LIG1: variants seen among roughly 807,000 people sequenced by gnomAD.
The protein encoded by LIG1 is ligase I, DNA, ATP-dependent.
In LIG1, 70 loss-of-function variants were observed where a neutral mutation model predicts 115.7. The ratio of observed to expected loss-of-function variants is 0.60; its 90% CI spans 0.50 to 0.74. LIG1 has a LOEUF of 0.74. Ranked by LOEUF, LIG1 falls within the 30% of genes least tolerant of loss-of-function variation. The pLI is 0.00. For synonymous variants in LIG1, 487 were observed against 495.3 expected, an observed-to-expected ratio of 0.98 and a Z score of 0.22; for missense variants, 1,115 against 1,225.6, an observed-to-expected ratio of 0.91 and a Z score of 1.35.
chr19:48,143,919 T>A lies in LIG1; in HGVS notation c.821A>T (p.His274Leu). The change falls in exon 10 of 28, where the codon CAT becomes CTT. Residue 274 changes from histidine (H) to leucine (L), a missense_variant. His to Leu is a moderately conservative substitution (Grantham distance 99). Coordinates refer to ENST00000263274, the MANE Select transcript of LIG1 (RefSeq NM_000234.3). ...SGYNPAKNNY[H>L]PVEDACWKPG... ...TTTCCAGCAGGCATCTTCCACGGGA[T>A]GATAGTTGTTCTTGGCAGGATTGTA... 6.2e-7 allele frequency: 1 copy of A among 1,613,920 alleles called. No individual in the cohort carries two copies. The highest frequency in any genetic ancestry group is 8.5e-7 in the Non-Finnish European group (1 of 1,179,942).
At chr19:48,163,751 G>A (rs1434938267) in intron 2 of LIG1, among the ~76,000 whole-genome samples, 1 of 152,024 alleles carries the variant, frequency 6.6e-6, no homozygotes, top group Non-Finnish European at 1.5e-5. Flanking sequence ...AGACCATCCT[G>A]GCTAACACGG....
intron 24 of LIG1, 127 bp downstream of exon 24, chr19:48,121,043 T>C: frequency 6.5e-7 from 1 of 1,542,298 alleles, no homozygotes; most frequent in Non-Finnish European, 8.7e-7. Flanking sequence ...AAATAAAAAC[T>C]GGGGAGAACG....
At chr19:48,136,887 C>T in intron 14 of LIG1, 121 bp downstream of exon 14, 1 of 825,766 alleles carries the variant, frequency 1.2e-6, no homozygotes, top group Non-Finnish European at 2.0e-6. Flanking sequence ...GCCTCCTGCT[C>T]ATGCTTTTCT....
In LIG1 at chr19:48,149,843, T is replaced by G; in HGVS notation, c.698-2A>C. 6.2e-7 allele frequency: 1 copy of G among 1,613,724 alleles called. No homozygotes were observed. Among genetic ancestry groups the G allele is most frequent in the Non-Finnish European group, 8.5e-7 (1 of 1,179,886 alleles). ...TTTTGACTGCTGGCTTCCGGGGGGC[T>G]AGGAATGAAGACAGAAAACAGTGGG... On this transcript the variant is annotated splice_acceptor_variant, in intron 8 of 27. Transcript: ENST00000263274. LOFTEE classifies it high-confidence loss of function.
At chr19:48,154,185 G>C in intron 5 of LIG1, 1 of 573,034 alleles carries the variant, frequency 1.7e-6, no homozygotes. Flanking sequence ...TCTGTGCTTT[G>C]CTCTCTCACG....
Position 48,126,260 on chromosome 19 carries a change from C to G in LIG1, c.2004+1017G>C, listed in dbSNP as rs183060640. 2.0e-5 allele frequency among the ~76,000 whole-genome samples: 3 copies of G among 152,188 alleles called. No homozygotes were observed. The East Asian group carries it at 5.8e-4, about 30-fold the overall frequency. Reference sequence around the variant, plus strand: ...GGCCTGGCTCCAGATTCCTGACATCCTAAAGCAAGCTGTTCTCAAACTGTT... The same window carrying G: ...GGCCTGGCTCCAGATTCCTGACATCGTAAAGCAAGCTGTTCTCAAACTGTT... On this transcript the variant is annotated intron_variant, in intron 21 of 27. Transcript: ENST00000263274.
chr19:48,119,269 C>CA, intron 24 of LIG1, 79 bp from the exon 25 acceptor site: 2 of 1,148,502 alleles, frequency 1.7e-6, no homozygotes, highest in Non-Finnish European at 2.6e-6. Context: ...AAGCTGTGTA[C>CA]ACTCATGGCC....
rs1335943209 is a variant in LIG1 at position 48,143,530 on chromosome 19, C to T, written c.914+13G>A. On this transcript the variant is annotated intron_variant, in intron 11 of 27. Coordinates refer to ENST00000263274, the MANE Select transcript of LIG1 (RefSeq NM_000234.3). Reference sequence around the variant, plus strand: ...CGACCCCGCCCCCCACCCAGGCAGTCCTCATTAGTTACCGAGCAGACACCT... The same window carrying T: ...CGACCCCGCCCCCCACCCAGGCAGTTCTCATTAGTTACCGAGCAGACACCT... 5.2e-6 allele frequency: 4 copies of T among 768,198 alleles called. No individual in the cohort carries two copies. The highest frequency in any genetic ancestry group is 4.0e-5 in the Admixed American group (2 of 49,452). 47.6% of individuals were successfully genotyped at this position (768,198 alleles called of 1,614,324 possible). A position where few individuals can be genotyped will look rare whatever the true frequency, so the allele number is the denominator to read the frequency against.
chr19:48,117,716 C>A lies in LIG1; in HGVS notation c.2505G>T (p.Trp835Cys). 1 of 1,612,990 alleles carries A rather than the reference C, an allele frequency of 6.2e-7. No individual in the cohort carries two copies. The highest frequency in any genetic ancestry group is 1.1e-5 in the South Asian group (1 of 90,646). The change falls in exon 26 of 28, where the codon TGG becomes TGT. Residue 835 changes from tryptophan (W) to cysteine (C), a missense_variant. Trp to Cys is a radical substitution (Grantham distance 215, BLOSUM62 -2). Coordinates refer to ENST00000263274, the MANE Select transcript of LIG1 (RefSeq NM_000234.3). ...RIDGAVIPDH[W>C]LDPSAVWEVK... Reference sequence around the variant, plus strand: ...CCTCCCACACAGCGCTGGGGTCCAGCCAGTGGTCGGGAATCACAGCGCCAT... The same window carrying A: ...CCTCCCACACAGCGCTGGGGTCCAGACAGTGGTCGGGAATCACAGCGCCAT...
intron 2 of LIG1, among the ~76,000 whole-genome samples, chr19:48,164,859 T>TG (rs1176700414): frequency 6.6e-6 from 1 of 152,210 alleles, no homozygotes. Context: ...TCTGTGTTGT[T>TG]GGGGGGGCTG....
intron 9 of LIG1, among the ~76,000 whole-genome samples, chr19:48,145,590 T>G (rs544877424): frequency 3.3e-5 from 5 of 152,234 alleles, no homozygotes; most frequent in African/African-American, 1.2e-4. Flanking sequence ...ATAGTGCCAC[T>G]GCAGGGCTGT....
chr19:48,127,054 G>A (rs377303295), intron 21 of LIG1: 7 of 564,686 alleles, frequency 1.2e-5, no homozygotes, highest in South Asian at 1.0e-4. Flanking sequence ...TCCACCTCAC[G>A]CCAATGTGGA....
rs149957363 is a variant in LIG1, at chr19:48,158,581, G to A, written c.244-1441C>T. ...CAGTCTCCTTCATGCTGCCAGGACCGGGACTCCACAAATCTTCTTCTTGCT... is the reference window on the plus strand; with the variant it reads ...CAGTCTCCTTCATGCTGCCAGGACCAGGACTCCACAAATCTTCTTCTTGCT... On this transcript the variant is annotated intron_variant, in intron 4 of 27. Transcript: ENST00000263274. Among the ~76,000 whole-genome samples the A allele has an allele frequency of 2.1e-3, 318 of 152,324 alleles. 6 individuals carry two copies. Among genetic ancestry groups the A allele is most frequent in the Admixed American group, 0.018 (282 of 15,310 alleles).
At chr19:48,159,822 A>C (rs2036069044) in intron 4 of LIG1, among the ~76,000 whole-genome samples, 1 of 152,166 alleles carries the variant, frequency 6.6e-6, no homozygotes, top group East Asian at 1.9e-4. Flanking sequence ...GGTTCACGCC[A>C]TTCTCCTGCC....
rs577725253 is a variant in LIG1, at chr19:48,157,005, T to C, written c.370+9A>G. The C allele has an allele frequency of 2.1e-5, 31 of 1,467,506 alleles. No homozygotes were observed. The African/African-American group carries it at 2.9e-4, about 14-fold the overall frequency. The allele number at this position is 1,467,506 out of a possible 1,614,324, so 90.9% of individuals were successfully genotyped here. On this transcript the variant is annotated intron_variant, in intron 5 of 27. Transcript: ENST00000263274. ...GCGACTGAAGGGGCAGGGGCCCGTG[T>C]GTTCTCACCTGTGCGACGCTTCGGA... is the stretch of plus-strand genomic sequence containing the variant.
rs548077697 is a variant in LIG1 at position 48,121,196 on chromosome 19, T to A, written c.2359A>T (p.Ser787Cys). The change falls in exon 24 of 28, where the codon AGT (serine) becomes TGT (cysteine). Residue 787 changes from serine (S) to cysteine (C), a missense_variant. Ser to Cys is a moderately radical substitution (Grantham distance 112, BLOSUM62 -1). Transcript: ENST00000263274. ...TTGCATATGGCCTGCAGCTCCTCAC[T>A]GTCCTCGTCGTAGGAGGCCAGCAGG... ...GFLLASYDED[S>C]EELQAICKLG... is the part of the protein sequence containing the mutation. The A allele has an allele frequency of 2.8e-5, 46 of 1,614,110 alleles. No homozygotes were observed. In the Admixed American group the frequency reaches 5.8e-4, roughly 20 times the overall value.
rs756578359 is a variant in LIG1, at chr19:48,137,114, C to T, written c.1255-30G>A. 2 of 1,574,792 alleles carry T rather than the reference C, an allele frequency of 1.3e-6. No individual in the cohort carries two copies. The highest frequency in any genetic ancestry group is 1.7e-6 in the Non-Finnish European group (2 of 1,147,990). On this transcript the variant is annotated intron_variant, in intron 13 of 27. Coordinates refer to ENST00000263274, the MANE Select transcript of LIG1 (RefSeq NM_000234.3). This position sits in a 1 kb window ranked among gnomAD's most constrained non-coding sequence, Gnocchi z 4.3. Reference sequence around the variant, plus strand: ...AGAGTCAGGGGAAGAGCCGTCAGTGCCTGGTGAAGGCAGGGACCACACCTC... The same window carrying T: ...AGAGTCAGGGGAAGAGCCGTCAGTGTCTGGTGAAGGCAGGGACCACACCTC...
At chr19:48,165,855 A>C (rs1010066537) in intron 1 of LIG1, 7 of 543,744 alleles carry the variant, frequency 1.3e-5, no homozygotes, top group African/African-American at 3.8e-5. Context: ...TACCATAAGA[A>C]GACTGTTTTT....
chr19:48,137,637 CCCA>C lies in LIG1; in HGVS notation c.1136_1138del (p.Val379del), dbSNP rs2034479409. 6 of 1,610,320 alleles carry C rather than the reference CCCA, an allele frequency of 3.7e-6. No homozygotes were observed. The highest frequency in any genetic ancestry group is 5.1e-6 in the Non-Finnish European group (6 of 1,179,722). The stretch of plus-strand genomic sequence containing the variant: ...GCTGCGGCTGTTCTCGGCCACCAGC[CCCA>C]CGTCGCCTTTCTCGGCTGCCTCAGC... On this transcript the variant is annotated inframe_deletion, in exon 13 of 28. Coordinates refer to ENST00000263274, the MANE Select transcript of LIG1 (RefSeq NM_000234.3). This position sits in a 1 kb window ranked among gnomAD's most constrained non-coding sequence, Gnocchi z 4.3.
Sources: allele counts gnomAD v4.1 joint callset (sites outside exome capture counted in the v4.1 genomes callset), GRCh38; gene constraint gnomAD v4.1.1; non-coding constraint Gnocchi (gnomAD v3.1); transcripts MANE v1.5; gene names NCBI Gene and HGNC (gene_info 2026-07-23, HGNC 2026-07-21).